The following ZNF711 variants were observed in gnomAD, a reference collection of about 807,000 sequenced individuals.
The protein encoded by ZNF711 is zinc finger protein 711.
Under a neutral mutation model 43.5 loss-of-function variants are expected in ZNF711, and 3 were observed. That is an observed-to-expected ratio of 0.07 (90% CI 0.03 to 0.18). The LOEUF (loss-of-function observed/expected upper bound fraction) is 0.18. ZNF711 is among the 10% of genes least tolerant of loss of function. ZNF711 has a pLI of 1.00. For missense variants in ZNF711, 412 were observed against 604.0 expected (o/e 0.68, Z 3.33); for synonymous variants, 209 against 207.7 (o/e 1.01, Z -0.06).
chrX:85,255,845 A>T, intron 5 of ZNF711, 44 bp downstream of exon 5: 1 of 1,174,022 alleles, frequency 8.5e-7, no homozygotes, highest in Non-Finnish European at 1.1e-6. Context: ...AGATTGATTT[A>T]TATAATCTGG....
intron 4 of ZNF711, among the ~76,000 whole-genome samples, chrX:85,248,655 C>T (rs1251410528): frequency 9.1e-6 from 1 of 109,610 alleles, no homozygotes; most frequent in Non-Finnish European, 1.9e-5. Flanking sequence ...GTATAAAAGG[C>T]AGGGATGAGA....
At chrX:85,256,396 A>G (rs993565595) in intron 5 of ZNF711, among the ~76,000 whole-genome samples, 1 of 111,763 alleles carries the variant, frequency 8.9e-6, no homozygotes, top group Non-Finnish European at 1.9e-5. Context: ...CCGAAGCGGG[A>G]AGATAGAAAT....
chrX:85,249,941 G>A (rs1003945415), intron 4 of ZNF711, among the ~76,000 whole-genome samples: 1 of 111,909 alleles, frequency 8.9e-6, no homozygotes, highest in African/African-American at 3.3e-5. Context: ...TTTTATATAA[G>A]TGGAATCATA....
intron 8 of ZNF711, among the ~76,000 whole-genome samples, 179 bp from the exon 9 acceptor site, chrX:85,268,112 CCCT>C (rs1413005773): frequency 9.1e-6 from 1 of 110,169 alleles, no homozygotes; most frequent in Non-Finnish European, 1.9e-5. Flanking sequence ...TGAACAGCAG[CCCT>C]TATTTTCAGT....
In ZNF711 at chrX:85,261,634, T is replaced by C. The variant is rs1039545787; in HGVS notation, c.623-2641T>C. Among the ~76,000 whole-genome samples the C allele has an allele frequency of 1.9e-4, 21 of 111,511 alleles. No homozygotes were observed. In the Admixed American group the frequency reaches 2.0e-3, roughly 11 times the overall value. On this transcript the variant is annotated intron_variant, in intron 5 of 10. Transcript: ENST00000674551. The stretch of plus-strand genomic sequence containing the variant: ...AAAAAGGAATGTTATATTGTACATT[T>C]GACTAAAATGAAATTTTAATTAAAT...
intron 7 of ZNF711, among the ~76,000 whole-genome samples, 168 bp downstream of exon 7, chrX:85,265,423 C>A (rs1931017214): frequency 9.0e-6 from 1 of 111,090 alleles, no homozygotes; most frequent in Non-Finnish European, 1.9e-5. Flanking sequence ...TTTGACCATT[C>A]ATTTGTACAT....
intron 7 of ZNF711, among the ~76,000 whole-genome samples, chrX:85,266,216 C>T (rs1459171722): frequency 9.0e-6 from 1 of 111,495 alleles, no homozygotes; most frequent in Non-Finnish European, 1.9e-5. Context: ...GTTTCCTTCC[C>T]TAGAAGTTGT....
At chrX:85,268,991 G>A (rs768118417) in intron 9 of ZNF711, among the ~76,000 whole-genome samples, 1 of 111,549 alleles carries the variant, frequency 9.0e-6, no homozygotes, top group Non-Finnish European at 1.9e-5. Context: ...AGTTTTGTAG[G>A]TCTACATTTT....
rs973346226 is a variant in ZNF711, at chrX:85,273,266, C to T, written c.*1438C>T. The T allele has an allele frequency of 1.8e-5, 2 of 111,544 alleles. No homozygotes were observed. The highest frequency in any genetic ancestry group is 6.5e-5 in the African/African-American group (2 of 30,663). 9.2% of individuals were successfully genotyped at this position (111,544 alleles called of 1,213,427 possible). ...GTTATGTGGCTGTAAATGATGTACACGCTGTAAAATAAGATCGCTACTGTT... is the reference window on the plus strand; with the variant it reads ...GTTATGTGGCTGTAAATGATGTACATGCTGTAAAATAAGATCGCTACTGTT... On this transcript the variant is annotated 3_prime_UTR_variant, in exon 11 of 11. Coordinates refer to ENST00000674551, the MANE Select transcript of ZNF711 (RefSeq NM_001330574.2).
Position 85,255,505 on chromosome X carries a change from G to C in ZNF711, c.326G>C (p.Gly109Ala), listed in dbSNP as rs769223012. ...AIEEDLEEDD[G>A]DHILTSELIT... ...GAAGAGGATTTAGAGGAAGATGATG[G>C]TGATCACATCTTGACTTCTGAACTA... The change falls in exon 5 of 11, where the codon GGT (glycine) becomes GCT (alanine). Residue 109 changes from glycine to alanine, a missense_variant. Gly to Ala is a moderately conservative substitution (Grantham distance 60). Transcript: ENST00000674551. 2.3e-5 allele frequency: 28 copies of C among 1,211,747 alleles called. No individual in the cohort carries two copies. The South Asian group carries it at 3.9e-4, about 17-fold the overall frequency.
chrX:85,264,474 A>C, intron 6 of ZNF711, 44 bp downstream of exon 6: 1 of 1,111,784 alleles, frequency 9.0e-7, no homozygotes, highest in Non-Finnish European at 1.2e-6. Context: ...AGGAGTTATA[A>C]TTTATTATAT....
intron 5 of ZNF711, among the ~76,000 whole-genome samples, chrX:85,263,704 A>C (rs775923733): frequency 6.3e-5 from 7 of 110,445 alleles, no homozygotes; most frequent in African/African-American, 2.3e-4. Flanking sequence ...TATTAAATTT[A>C]GTGTTAGGAT....
At chrX:85,267,074 A>C (rs935770247) in intron 7 of ZNF711, among the ~76,000 whole-genome samples, 1 of 110,458 alleles carries the variant, frequency 9.1e-6, no homozygotes, top group Non-Finnish European at 1.9e-5. Flanking sequence ...CTTGGTTCTA[A>C]GAGGAGAATA....
chrX:85,253,167 G>A (rs897955772), intron 4 of ZNF711, among the ~76,000 whole-genome samples: 3 of 111,552 alleles, frequency 2.7e-5, no homozygotes, highest in African/African-American at 9.8e-5. Flanking sequence ...GTAGGAGTTG[G>A]TGTTTACCAT....
At chrX:85,252,483 T>C (rs996300917) in intron 4 of ZNF711, among the ~76,000 whole-genome samples, 1 of 112,124 alleles carries the variant, frequency 8.9e-6, no homozygotes, top group African/African-American at 3.2e-5. Context: ...GAATTTCCCA[T>C]ATTTTAAATC....
intron 5 of ZNF711, among the ~76,000 whole-genome samples, chrX:85,261,207 A>G (rs1930612847): frequency 3.6e-5 from 4 of 110,964 alleles, no homozygotes; most frequent in Non-Finnish European, 7.6e-5. Context: ...TCAAGGGTCA[A>G]CTGTACTTCA....
At position 85,252,193 on chromosome X, in the gene ZNF711, C is replaced by T. The variant is rs371576983; in HGVS notation, c.80-3066C>T. Among the ~76,000 whole-genome samples, 3 of 112,103 alleles carry T rather than the reference C, an allele frequency of 2.7e-5. No homozygotes were observed. The East Asian group carries it at 8.4e-4, about 31-fold the overall frequency. ...CTGCTGCTACCCTGTGAGGGACTTA[C>T]CAATTCTTGGTCTAGGATCCTTGAG... is the stretch of plus-strand genomic sequence containing the variant. On this transcript the variant is annotated intron_variant, in intron 4 of 10. Coordinates refer to ENST00000674551, the MANE Select transcript of ZNF711 (RefSeq NM_001330574.2).
At chrX:85,266,664 T>A (rs1931122559) in intron 7 of ZNF711, among the ~76,000 whole-genome samples, 1 of 108,450 alleles carries the variant, frequency 9.2e-6, no homozygotes, top group South Asian at 3.9e-4. Context: ...GTTTAAATAT[T>A]TTTTTTTTCT....
In ZNF711 at chrX:85,271,422, G is replaced by A; in HGVS notation, c.2018G>A (p.Gly673Asp). 2 of 1,210,809 alleles carry A rather than the reference G, an allele frequency of 1.7e-6. No homozygotes were observed. Among genetic ancestry groups the A allele is most frequent in the Non-Finnish European group, 2.2e-6 (2 of 895,212 alleles). ...CACAAATGTGAGGTCTGTGATAAAG[G>A]TTTTCATCGTCCTTCTGAGCTCAAA... ...FPHKCEVCDK[G>D]FHRPSELKKH... The change falls in exon 11 of 11, where the codon GGT (glycine) becomes GAT (aspartate). Residue 673 changes from glycine to aspartate, a missense_variant. This residue lies in a region of ZNF711 where 375 missense variants were observed against 514.2 expected (regional missense o/e 0.73). Transcript: ENST00000674551.
Sources: allele counts gnomAD v4.1 joint callset (sites outside exome capture counted in the v4.1 genomes callset), GRCh38; gene constraint gnomAD v4.1.1; regional missense constraint gnomAD v4.1.1; transcripts MANE v1.5; gene names NCBI Gene and HGNC (gene_info 2026-07-23, HGNC 2026-07-21).